NRF1: variants seen among roughly 807,000 people sequenced by gnomAD.
NRF1 encodes nuclear respiratory factor 1.
NRF1 carries 5 observed loss-of-function variants against 58.5 expected under a neutral mutation model. The observed-to-expected ratio is 0.09, with a 90% CI of 0.04 to 0.18. The LOEUF (loss-of-function observed/expected upper bound fraction) is 0.18. Among genes scored for constraint, NRF1 ranks in the 10% least tolerant of loss-of-function variants. NRF1 has a pLI of 1.00. For missense variants in NRF1, 288 were observed against 657.7 expected (o/e 0.44, Z 6.15); for synonymous variants, 224 against 246.7 (o/e 0.91, Z 0.86).
chr7:129,740,189 C>G (rs931115810), intron 10 of NRF1, among the ~76,000 whole-genome samples: 16 of 152,204 alleles, frequency 1.1e-4, no homozygotes, highest in Admixed American at 7.9e-4. Flanking sequence ...TCTCCCCCAT[C>G]CTGGGAGATG....
chr7:129,647,991 T>G (rs1180532720), intron 1 of NRF1, among the ~76,000 whole-genome samples: 1 of 152,198 alleles, frequency 6.6e-6, no homozygotes, highest in African/African-American at 2.4e-5. Flanking sequence ...AGGATCAGTT[T>G]GGAAGACTAT....
At chr7:129,685,556 AGT>A (rs67721424) in intron 4 of NRF1, among the ~76,000 whole-genome samples, 18,158 of 142,438 alleles carry the variant, frequency 0.13, 1,114 homozygotes, top group African/African-American at 0.18. Context: ...GTCTCATTCA[AGT>A]GTGTGTGTGT....
chr7:129,657,336 C>CT lies in NRF1; in HGVS notation c.-6-9dup, dbSNP rs745609038. 1 of 1,583,892 alleles carries CT rather than the reference C, an allele frequency of 6.3e-7. No individual in the cohort carries two copies. The highest frequency in any genetic ancestry group is 1.1e-5 in the South Asian group (1 of 89,878). Reference sequence around the variant, plus strand: ...GAATCCTGTTCTTTTTCTTTTTTGTCTGACAGTAGAACTTCATGGAGGAAC... The same window carrying CT: ...GAATCCTGTTCTTTTTCTTTTTTGTCTTGACAGTAGAACTTCATGGAGGAAC... On this transcript the variant is annotated splice_polypyrimidine_tract_variant and intron_variant, in intron 1 of 10. Coordinates refer to ENST00000393232, the MANE Select transcript of NRF1 (RefSeq NM_005011.5).
chr7:129,744,917 G>A (rs1279373394), intron 10 of NRF1, among the ~76,000 whole-genome samples: 1 of 151,914 alleles, frequency 6.6e-6, no homozygotes, highest in Non-Finnish European at 1.5e-5. Flanking sequence ...GAAGAGGCAG[G>A]GACTGGATGA....
intron 5 of NRF1, among the ~76,000 whole-genome samples, chr7:129,697,271 C>T (rs532243729): frequency 1.3e-5 from 2 of 151,676 alleles, no homozygotes; most frequent in South Asian, 2.1e-4. Flanking sequence ...TAGCCGGGCG[C>T]GGTGGCTCAC....
At chr7:129,617,197 T>C (rs1443225030) in intron 1 of NRF1, among the ~76,000 whole-genome samples, 1 of 152,188 alleles carries the variant, frequency 6.6e-6, no homozygotes, top group African/African-American at 2.4e-5. Flanking sequence ...AGAATGAGCT[T>C]TGTATGCATA....
At chr7:129,674,065 C>CA (rs1802119676) in intron 3 of NRF1, among the ~76,000 whole-genome samples, 1 of 151,930 alleles carries the variant, frequency 6.6e-6, no homozygotes, top group Admixed American at 6.6e-5. Context: ...AGCTTTAACC[C>CA]AGGAGGCGGA....
intron 1 of NRF1, among the ~76,000 whole-genome samples, chr7:129,625,215 A>G (rs1004408736): frequency 6.6e-6 from 1 of 152,038 alleles, no homozygotes; most frequent in Admixed American, 6.5e-5. Context: ...TATCTGCTTC[A>G]CCCTTAAAAG....
intron 9 of NRF1, among the ~76,000 whole-genome samples, chr7:129,719,762 C>G (rs1301220581): frequency 6.6e-6 from 1 of 152,122 alleles, no homozygotes; most frequent in Non-Finnish European, 1.5e-5. Context: ...AGATAAACTT[C>G]CTGAAAGGCA....
intron 1 of NRF1, among the ~76,000 whole-genome samples, chr7:129,613,106 G>A (rs545375323): frequency 2.0e-4 from 30 of 152,322 alleles, no homozygotes; most frequent in African/African-American, 6.5e-4. Context: ...AAGGAGAAAG[G>A]TAGTGTGAGT....
At chr7:129,735,774 C>T (rs941005359) in intron 10 of NRF1, among the ~76,000 whole-genome samples, 1 of 151,944 alleles carries the variant, frequency 6.6e-6, no homozygotes, top group African/African-American at 2.4e-5. Context: ...TTTGGGAGGC[C>T]GAGGCAGATG....
intron 9 of NRF1, among the ~76,000 whole-genome samples, chr7:129,720,788 C>T (rs1803304468): frequency 1.3e-5 from 2 of 152,238 alleles, no homozygotes; most frequent in African/African-American, 2.4e-5. Flanking sequence ...CAGGGCTCCA[C>T]GGCCTTTAGC....
At chr7:129,655,968 G>A (rs1315930182) in intron 1 of NRF1, among the ~76,000 whole-genome samples, 2 of 152,092 alleles carry the variant, frequency 1.3e-5, no homozygotes, top group Admixed American at 1.3e-4. Context: ...ATAATAAGTG[G>A]TATGTGTATA....
rs530584628 is a variant in NRF1, at chr7:129,755,497, T to C, written c.*316T>C. On this transcript the variant is annotated 3_prime_UTR_variant, in exon 11 of 11. Coordinates refer to ENST00000393232, the MANE Select transcript of NRF1 (RefSeq NM_005011.5). The surrounding 1 kb of genome is among the most constrained non-coding windows in gnomAD (Gnocchi z 5.8). Reference sequence around the variant, plus strand: ...ATGTGTGAGTGTGAATATATGTATATGTGTACATATGGACATACACATTTA... The same window carrying C: ...ATGTGTGAGTGTGAATATATGTATACGTGTACATATGGACATACACATTTA... 6.1e-5 allele frequency: 11 copies of C among 179,124 alleles called. No individual in the cohort carries two copies. The highest frequency in any genetic ancestry group is 2.6e-4 in the African/African-American group (11 of 41,528). The allele number at this position is 179,124 out of a possible 1,614,324, so 11.1% of individuals were successfully genotyped here. A position where few individuals can be genotyped will look rare whatever the true frequency, so the allele number is the denominator to read the frequency against.
At chr7:129,730,296 A>G (rs1257316512) in intron 10 of NRF1, among the ~76,000 whole-genome samples, 1 of 151,920 alleles carries the variant, frequency 6.6e-6, no homozygotes, top group Non-Finnish European at 1.5e-5. Context: ...AAGTGCTGGG[A>G]TTATAGGCAT....
intron 4 of NRF1, 127 bp downstream of exon 4, chr7:129,677,885 G>A: frequency 1.8e-6 from 2 of 1,110,276 alleles, no homozygotes; most frequent in Non-Finnish European, 2.6e-6. Context: ...TGGGAGTGGG[G>A]ACTAGTTTTC....
intron 4 of NRF1, among the ~76,000 whole-genome samples, chr7:129,681,264 C>T (rs1347814440): frequency 6.6e-6 from 1 of 152,174 alleles, no homozygotes; most frequent in Non-Finnish European, 1.5e-5. Flanking sequence ...TGCAGAAGGA[C>T]CTGGCCCTGC....
At chr7:129,619,518 TG>T (rs1245446792) in intron 1 of NRF1, among the ~76,000 whole-genome samples, 2 of 127,468 alleles carry the variant, frequency 1.6e-5, no homozygotes, top group African/African-American at 6.2e-5. Context: ...ATATATGTAT[TG>T]TTTTGCTGGG....
intron 2 of NRF1, 145 bp downstream of exon 2, chr7:129,657,719 C>G: frequency 1.6e-6 from 1 of 607,786 alleles, no homozygotes; most frequent in East Asian, 2.8e-5. Context: ...AAGTGATTCT[C>G]CCATCTCAGC....
Sources: gnomAD v4.1 joint callset for allele counts (sites outside exome capture counted in the v4.1 genomes callset) on GRCh38, gnomAD v4.1.1 for gene constraint, Gnocchi (gnomAD v3.1) non-coding constraint, MANE v1.5 for transcripts, NCBI Gene and HGNC (gene_info 2026-07-23, HGNC 2026-07-21) for gene names.